The following KAT7 variants were observed in gnomAD, a reference collection of about 807,000 sequenced individuals.
The protein encoded by KAT7 is histone acetyltransferase KAT7.
In KAT7, 10 loss-of-function variants were observed where a neutral mutation model predicts 82.1. That is an observed-to-expected ratio of 0.12 (90% CI 0.08 to 0.21). The LOEUF (loss-of-function observed/expected upper bound fraction) is 0.21, where lower values mean the gene tolerates loss of function less well. Ranked by LOEUF, KAT7 falls within the 10% of genes least tolerant of loss-of-function variation. The pLI, the probability that KAT7 is intolerant of heterozygous loss-of-function variation, is 1.00. For synonymous variants in KAT7, 250 were observed against 262.5 expected, an observed-to-expected ratio of 0.95 and a Z score of 0.46; for missense variants, 378 against 760.9, an observed-to-expected ratio of 0.50 and a Z score of 5.92.
chr17:49,812,129 A>G (rs1269693953), intron 7 of KAT7, among the ~76,000 whole-genome samples: 1 of 152,006 alleles, frequency 6.6e-6, no homozygotes, highest in Non-Finnish European at 1.5e-5. Flanking sequence ...AAATAGCCAC[A>G]GTTAGTGTTT....
In KAT7 at chr17:49,832,470, A is replaced by G. The variant is rs372742166; in HGVS notation, c.*4968A>G. On this transcript the variant is annotated 3_prime_UTR_variant, in exon 15 of 15. Transcript: ENST00000259021. ...CTTGAGACTCTAATTAAAGCACTGGATTTTTAAAAATCACCCTTGTAAATA... is the reference window on the plus strand; with the variant it reads ...CTTGAGACTCTAATTAAAGCACTGGGTTTTTAAAAATCACCCTTGTAAATA... 2 of 152,128 alleles carry G rather than the reference A, an allele frequency of 1.3e-5. No individual in the cohort carries two copies. The highest frequency in any genetic ancestry group is 2.9e-5 in the Non-Finnish European group (2 of 68,010). 9.4% of individuals were successfully genotyped at this position (152,128 alleles called of 1,614,324 possible).
intron 4 of KAT7, among the ~76,000 whole-genome samples, chr17:49,799,484 G>A (rs1325240219): frequency 4.0e-5 from 6 of 151,898 alleles, no homozygotes; most frequent in Non-Finnish European, 8.8e-5. Flanking sequence ...AGGTTCAAGC[G>A]ATTCTCCTGC....
chr17:49,796,687 A>G, intron 2 of KAT7, 63 bp from the exon 3 acceptor site: 1 of 1,308,364 alleles, frequency 7.6e-7, no homozygotes, highest in South Asian at 1.5e-5. Flanking sequence ...GATAAATTAT[A>G]TGGATAGGAA....
chr17:49,788,988 C>T, intron 1 of KAT7, 139 bp downstream of exon 1: 5 of 712,120 alleles, frequency 7.0e-6, no homozygotes, highest in Non-Finnish European at 1.1e-5. Context: ...TCTCTTCTGT[C>T]CATACCCAAC....
rs192066774 is a variant in KAT7 at position 49,829,414 on chromosome 17, G to A, written c.*1912G>A. ...ATTTTCCACTGATTTTAGGGGCAAAGGAACCAATAGGAAATTAGGATATAT... is the reference window on the plus strand; with the variant it reads ...ATTTTCCACTGATTTTAGGGGCAAAAGAACCAATAGGAAATTAGGATATAT... On this transcript the variant is annotated 3_prime_UTR_variant, in exon 15 of 15. Transcript: ENST00000259021. The A allele has an allele frequency of 5.3e-5, 8 of 152,284 alleles. No homozygotes were observed. Among genetic ancestry groups the A allele is most frequent in the African/African-American group, 1.4e-4 (6 of 41,538 alleles). The allele number at this position is 152,284 out of a possible 1,614,324, so 9.4% of individuals were successfully genotyped here.
intron 11 of KAT7, among the ~76,000 whole-genome samples, chr17:49,822,384 C>T (rs771276557): frequency 6.6e-6 from 1 of 152,014 alleles, no homozygotes; most frequent in African/African-American, 2.4e-5. Flanking sequence ...CCTGCCACCA[C>T]GCCCAGCTAA....
chr17:49,799,616 C>A (rs908608838), intron 4 of KAT7, among the ~76,000 whole-genome samples: 1 of 152,166 alleles, frequency 6.6e-6, no homozygotes, highest in African/African-American at 2.4e-5. Flanking sequence ...ACCTCATGAT[C>A]TGCACGCCTT....
At chr17:49,789,002 A>G (rs936988637) in intron 1 of KAT7, 153 bp downstream of exon 1, 2 of 622,858 alleles carry the variant, frequency 3.2e-6, no homozygotes, top group Non-Finnish European at 5.1e-6. Context: ...ACCCAACAGA[A>G]AAATGTGGGC....
chr17:49,814,008 C>T (rs2074202740), intron 7 of KAT7, among the ~76,000 whole-genome samples: 1 of 152,170 alleles, frequency 6.6e-6, no homozygotes, highest in African/African-American at 2.4e-5. Flanking sequence ...TCTCCTGCCT[C>T]AGCCTCCTGA....
rs2074398347 is a variant in KAT7, at chr17:49,828,802, T to C, written c.*1300T>C. ...CTTCCCAACTTGGTCTCCTCCAACA[T>C]GCTGTCTTCATGTGGAGCCCTCACC... On this transcript the variant is annotated 3_prime_UTR_variant, in exon 15 of 15. Transcript: ENST00000259021. 6.5e-6 allele frequency: 1 copy of C among 153,396 alleles called. No homozygotes were observed. The highest frequency in any genetic ancestry group is 2.1e-4 in the South Asian group (1 of 4,834). 9.5% of individuals were successfully genotyped at this position (153,396 alleles called of 1,614,324 possible).
chr17:49,792,060 C>A, intron 2 of KAT7, 27 bp downstream of exon 2: 1 of 1,607,292 alleles, frequency 6.2e-7, no homozygotes, highest in South Asian at 1.1e-5. Flanking sequence ...TTTTCCTTAC[C>A]ACTCCTCACA....
intron 2 of KAT7, 95 bp downstream of exon 2, chr17:49,792,128 G>T (rs368935116): frequency 5.6e-6 from 7 of 1,253,592 alleles, no homozygotes; most frequent in South Asian, 4.0e-5. Flanking sequence ...TGGCCCCTTG[G>T]CTTGGTGTAG....
intron 4 of KAT7, among the ~76,000 whole-genome samples, chr17:49,801,145 TA>T (rs538215215): frequency 6.6e-6 from 1 of 152,146 alleles, no homozygotes; most frequent in Non-Finnish European, 1.5e-5. Context: ...ATAGGGTAAA[TA>T]AAAAATATGT....
At position 49,831,537 on chromosome 17, in the gene KAT7, A is replaced by G. The variant is rs980643400; in HGVS notation, c.*4035A>G. 4 of 152,204 alleles carry G rather than the reference A, an allele frequency of 2.6e-5. No homozygotes were observed. The highest frequency in any genetic ancestry group is 5.9e-5 in the Non-Finnish European group (4 of 68,050). The allele number at this position is 152,204 out of a possible 1,614,324, so 9.4% of individuals were successfully genotyped here. A position where few individuals can be genotyped will look rare whatever the true frequency, so the allele number is the denominator to read the frequency against. ...GTGGTCTTGCTGCTGTGTCATAGCA[A>G]TAGAATGAGAGAGCCTTGCTTCCCT... is the stretch of plus-strand genomic sequence containing the variant. On this transcript the variant is annotated 3_prime_UTR_variant, in exon 15 of 15. Transcript: ENST00000259021.
chr17:49,822,014 G>A (rs569515206), intron 11 of KAT7, among the ~76,000 whole-genome samples: 29 of 152,068 alleles, frequency 1.9e-4, no homozygotes, highest in African/African-American at 7.0e-4. Flanking sequence ...CTAGAATTGT[G>A]GACTGGAGCT....
intron 3 of KAT7, among the ~76,000 whole-genome samples, chr17:49,797,734 C>G (rs984762037): frequency 7.2e-5 from 11 of 152,216 alleles, no homozygotes; most frequent in Non-Finnish European, 1.6e-4. Context: ...CACTGGGCGG[C>G]CAATCACCCA....
chr17:49,799,010 G>A (rs150584560), intron 4 of KAT7, among the ~76,000 whole-genome samples: 1 of 152,276 alleles, frequency 6.6e-6, no homozygotes, highest in African/African-American at 2.4e-5. Flanking sequence ...ATGAGACCCT[G>A]GCCTTCTGTA....
intron 7 of KAT7, 56 bp from the exon 8 acceptor site, chr17:49,815,747 A>G: frequency 9.5e-7 from 1 of 1,053,186 alleles, no homozygotes; most frequent in Non-Finnish European, 1.5e-6. Context: ...GAAATAGATT[A>G]AAAAGTTCTT....
chr17:49,823,372 C>T (rs933220864), intron 12 of KAT7, 77 bp downstream of exon 12: 21 of 808,560 alleles, frequency 2.6e-5, no homozygotes, highest in Admixed American at 7.8e-5. Flanking sequence ...GTCCTGTGGT[C>T]TCTGCAATTC....
Sources: gnomAD v4.1 joint callset for allele counts (sites outside exome capture counted in the v4.1 genomes callset) on GRCh38, gnomAD v4.1.1 for gene constraint, MANE v1.5 for transcripts, NCBI Gene and HGNC (gene_info 2026-07-23, HGNC 2026-07-21) for gene names.